Variants in SLCO4C1 observed in about 807,000 individuals in gnomAD.
The protein encoded by SLCO4C1 is solute carrier organic anion transporter family member 4C1.
In SLCO4C1, 58 loss-of-function variants were observed where a neutral mutation model predicts 72.1. That is an observed-to-expected ratio of 0.80 (90% confidence interval 0.65 to 1.00). SLCO4C1 has a LOEUF of 1.00. Ranked by LOEUF, SLCO4C1 falls within the 50% of genes least tolerant of loss-of-function variation. The probability of loss-of-function intolerance (pLI) is 0.00; values close to 1 mark genes in which losing one functional copy is unlikely to be tolerated. For missense variants in SLCO4C1, 898 were observed against 857.9 expected (o/e 1.05, Z -0.58); for synonymous variants, 297 against 312.5 (o/e 0.95, Z 0.52).
chr5:102,263,401 A>G (rs961646563), intron 4 of SLCO4C1, among the ~76,000 whole-genome samples: 11 of 152,242 alleles, frequency 7.2e-5, no homozygotes, highest in Non-Finnish European at 1.5e-4. Flanking sequence ...TTTTTGAACA[A>G]TGCATGGGGT....
At chr5:102,260,363 ATATAATATAT>A (rs1561371854) in intron 5 of SLCO4C1, 44 bp from the exon 6 acceptor site, 6 of 224,008 alleles carry the variant, frequency 2.7e-5, no homozygotes, top group African/African-American at 1.2e-4. Context: ...TATATTATAC[ATATAATATAT>A]TATATGTATA....
chr5:102,274,075 G>T (rs1749202115), intron 2 of SLCO4C1, among the ~76,000 whole-genome samples: 2 of 152,070 alleles, frequency 1.3e-5, no homozygotes, highest in Admixed American at 1.3e-4. Flanking sequence ...GCTATTATTT[G>T]TAATCTAGAG....
chr5:102,261,139 G>A (rs1748935047), intron 5 of SLCO4C1, among the ~76,000 whole-genome samples: 1 of 152,152 alleles, frequency 6.6e-6, no homozygotes, highest in Non-Finnish European at 1.5e-5. Flanking sequence ...CAAGCCGGAT[G>A]TGGTGGCTCA....
chr5:102,289,969 C>G (rs1749523285), intron 2 of SLCO4C1, among the ~76,000 whole-genome samples: 1 of 152,058 alleles, frequency 6.6e-6, no homozygotes. Context: ...GAAAATTGAT[C>G]TTGGGAAAGA....
intron 5 of SLCO4C1, among the ~76,000 whole-genome samples, chr5:102,261,215 C>T (rs983658806): frequency 6.6e-6 from 1 of 152,052 alleles, no homozygotes; most frequent in Non-Finnish European, 1.5e-5. Flanking sequence ...GAGTTCGAGA[C>T]CAGCCTGGCC....
At chr5:102,257,400 A>G (rs1354485090) in intron 7 of SLCO4C1, 90 bp from the exon 8 acceptor site, 2 of 1,030,332 alleles carry the variant, frequency 1.9e-6, no homozygotes, top group East Asian at 2.8e-5. Flanking sequence ...ACAAGTGTCA[A>G]TATGGTTTTA....
intron 12 of SLCO4C1, 77 bp from the exon 13 acceptor site, chr5:102,237,095 G>A (rs1580233641): frequency 7.4e-7 from 1 of 1,345,408 alleles, no homozygotes; most frequent in East Asian, 2.5e-5. Flanking sequence ...AAATCTTCAT[G>A]AATAGAACAT....
intron 10 of SLCO4C1, among the ~76,000 whole-genome samples, chr5:102,242,908 C>T (rs956519533): frequency 1.3e-5 from 2 of 152,092 alleles, no homozygotes; most frequent in Non-Finnish European, 2.9e-5. Flanking sequence ...TATTGGAGTC[C>T]CCAATTCCAG....
At chr5:102,264,980 T>TAGTA (rs1749010057) in intron 3 of SLCO4C1, among the ~76,000 whole-genome samples, 1 of 152,050 alleles carries the variant, frequency 6.6e-6, no homozygotes, top group South Asian at 2.1e-4. Flanking sequence ...TATGGCTGAA[T>TAGTA]AGTATCCTGT....
At chr5:102,285,024 A>G (rs1749424467) in intron 2 of SLCO4C1, among the ~76,000 whole-genome samples, 1 of 152,034 alleles carries the variant, frequency 6.6e-6, no homozygotes, top group Non-Finnish European at 1.5e-5. Context: ...CTCTATATCC[A>G]CAGTTAGAAG....
intron 2 of SLCO4C1, among the ~76,000 whole-genome samples, chr5:102,273,585 A>G (rs1008053559): frequency 1.2e-4 from 18 of 152,204 alleles, no homozygotes; most frequent in African/African-American, 4.1e-4. Flanking sequence ...TGACCCTTAT[A>G]TTTTATGCTT....
chr5:102,249,326 G>A (rs950549239), intron 9 of SLCO4C1, among the ~76,000 whole-genome samples: 1 of 152,062 alleles, frequency 6.6e-6, no homozygotes, highest in African/African-American at 2.4e-5. Context: ...GGTATATGCA[G>A]GGGTCCGGGA....
intron 5 of SLCO4C1, 68 bp downstream of exon 5, chr5:102,261,844 C>T (rs1748949543): frequency 3.4e-6 from 5 of 1,455,582 alleles, no homozygotes; most frequent in Non-Finnish European, 4.6e-6. Context: ...TCTTATTAAT[C>T]ATATAGAAAA....
At chr5:102,247,229 A>G (rs1468784259) in intron 10 of SLCO4C1, 23 bp downstream of exon 10, 3 of 1,460,828 alleles carry the variant, frequency 2.1e-6, no homozygotes, top group Non-Finnish European at 2.7e-6. Context: ...TAGGGAATGA[A>G]AATTTCTCAA....
At chr5:102,278,807 AAC>A (rs1749301734) in intron 2 of SLCO4C1, among the ~76,000 whole-genome samples, 1 of 152,060 alleles carries the variant, frequency 6.6e-6, no homozygotes, top group Non-Finnish European at 1.5e-5. Context: ...TAAAAATGAA[AAC>A]ACAATATATA....
At chr5:102,258,986 A>T (rs2112357843) in intron 6 of SLCO4C1, among the ~76,000 whole-genome samples, 1 of 152,250 alleles carries the variant, frequency 6.6e-6, no homozygotes, top group East Asian at 1.9e-4. Context: ...ATAACTGAGT[A>T]AATTTCCTGT....
At position 102,239,289 on chromosome 5, in the gene SLCO4C1, T is replaced by A; in HGVS notation, c.1976A>T (p.Tyr659Phe). 6.2e-7 allele frequency: 1 copy of A among 1,600,936 alleles called. No homozygotes were observed. Among genetic ancestry groups the A allele is most frequent in the Non-Finnish European group, 8.5e-7 (1 of 1,173,770 alleles). ...CATATGGGCCATCTTGATGTTATCA[T>A]AAATCCAGCAAGCTCCTTTAATTCC... ...DCGIKGACWI[Y>F]DNIKMAHMLV... Residue 659 changes from tyrosine to phenylalanine, a missense_variant, in exon 12 of 13, where the codon TAT (tyrosine) becomes TTT (phenylalanine). Physicochemically the swap from Tyr to Phe is conservative, Grantham distance 22 (BLOSUM62 3). Transcript: ENST00000310954.
chr5:102,277,567 G>C (rs902325991), intron 2 of SLCO4C1, among the ~76,000 whole-genome samples: 1 of 152,138 alleles, frequency 6.6e-6, no homozygotes, highest in South Asian at 2.1e-4. Context: ...CAGAGAGAAT[G>C]ATATCAGTGG....
chr5:102,239,424 G>T (rs749808246), intron 11 of SLCO4C1, 36 bp from the exon 12 acceptor site: 3 of 1,427,454 alleles, frequency 2.1e-6, no homozygotes, highest in South Asian at 3.3e-5. Flanking sequence ...CAACAGTAAA[G>T]ATTACAGTTT....
Sources: allele counts gnomAD v4.1 joint callset (sites outside exome capture counted in the v4.1 genomes callset), GRCh38; gene constraint gnomAD v4.1.1; transcripts MANE v1.5; gene names NCBI Gene and HGNC (gene_info 2026-07-23, HGNC 2026-07-21).